Variants in FER1L5 observed in about 807,000 individuals in gnomAD.
FER1L5 encodes fer-1-like protein 5.
A neutral mutation model predicts 279.9 loss-of-function variants in FER1L5; 187 were observed. The ratio of observed to expected loss-of-function variants is 0.67; its 90% confidence interval spans 0.59 to 0.75. The LOEUF is 0.75. Ranked by LOEUF, FER1L5 falls within the 30% of genes least tolerant of loss-of-function variation. The pLI, the probability that FER1L5 is intolerant of heterozygous loss-of-function variation, is 0.00. For missense variants in FER1L5, 2,091 were observed against 2,594.4 expected, an observed-to-expected ratio of 0.81 and a Z score of 4.21; for synonymous variants, 921 against 989.7, an observed-to-expected ratio of 0.93 and a Z score of 1.30.
At chr2:96,696,299 T>G (rs1187802589) in intron 37 of FER1L5, among the ~76,000 whole-genome samples, 1 of 147,316 alleles carries the variant, frequency 6.8e-6, no homozygotes, top group Non-Finnish European at 1.5e-5. Context: ...CTTTTCAATC[T>G]TTTTTTTTTT....
chr2:96,696,513 C>T (rs2077385258), intron 37 of FER1L5, among the ~76,000 whole-genome samples: 1 of 151,860 alleles, frequency 6.6e-6, no homozygotes, highest in Non-Finnish European at 1.5e-5. Flanking sequence ...AGGCTGGTCT[C>T]GAACTCTTGT....
At position 96,651,895 on chromosome 2, in the gene FER1L5, C is replaced by T. The variant is rs866147948; in HGVS notation, c.508C>T (p.Arg170Ter). ...LSSKPQHFQVRVKVFEARQLM... is the reference protein window; with the variant it reads ...LSSKPQHFQV Reference sequence around the variant, plus strand: ...TCCCCATGTGTTCCGCCCTTAGGTTCGAGTGAAGGTGTTTGAAGCCCGACA... The same window carrying T: ...TCCCCATGTGTTCCGCCCTTAGGTTTGAGTGAAGGTGTTTGAAGCCCGACA... Residue 170 changes from arginine to a stop codon, truncating the protein, a stop_gained, in exon 7 of 53, where the codon CGA (arginine) becomes TGA (stop). Coordinates refer to ENST00000624922, the MANE Select transcript of FER1L5 (RefSeq NM_001293083.2). LOFTEE classifies it high-confidence loss of function. The T allele has an allele frequency of 1.0e-5, 16 of 1,551,944 alleles. No homozygotes were observed. The highest frequency in any genetic ancestry group is 2.7e-5 in the African/African-American group (2 of 73,014).
Position 96,669,064 on chromosome 2 carries a change from C to A in FER1L5, c.1289C>A (p.Pro430His). The A allele has an allele frequency of 6.4e-7, 1 of 1,551,716 alleles. No homozygotes were observed. The highest frequency in any genetic ancestry group is 8.7e-7 in the Non-Finnish European group (1 of 1,146,996). The change falls in exon 17 of 53, where the codon CCC becomes CAC. Residue 430 changes from proline to histidine, a missense_variant. Physicochemically the swap from Pro to His is moderately conservative, Grantham distance 77. Transcript: ENST00000624922. ...EIEGVYSGFL[P>H]CFGPSFLTLH... is the part of the protein sequence containing the mutation. ...CCAGGAGTGTACTCCGGCTTCCTGC[C>A]CTGCTTTGGCCCCAGCTTCCTGACT...
At chr2:96,685,307 C>T in intron 20 of FER1L5, 22 bp from the exon 21 acceptor site, 1 of 1,549,170 alleles carries the variant, frequency 6.5e-7, no homozygotes, top group Non-Finnish European at 8.7e-7. Context: ...GGCTCTCTCA[C>T]CATTTCTCTC....
Position 96,647,889 on chromosome 2 carries a change from G to A in FER1L5, c.339+3G>A, listed in dbSNP as rs1195954904. 1.9e-6 allele frequency: 3 copies of A among 1,550,758 alleles called. No individual in the cohort carries two copies. Among genetic ancestry groups the A allele is most frequent in the South Asian group, 1.2e-5 (1 of 84,034 alleles). On this transcript the variant is annotated splice_donor_region_variant and intron_variant, in intron 4 of 52. Transcript: ENST00000624922. ...ACCATTCCATGAAGCCCACAGATGT[G>A]AGTCAGGCCCAGGAAGGCCCAGGCA...
chr2:96,697,454 C>T, intron 37 of FER1L5, 72 bp from the exon 38 acceptor site: 1 of 1,550,294 alleles, frequency 6.5e-7, no homozygotes, highest in South Asian at 1.2e-5. Context: ...GGCCTCAACC[C>T]CCCTCTCCTC....
intron 37 of FER1L5, among the ~76,000 whole-genome samples, chr2:96,697,158 A>G (rs753746236): frequency 6.6e-6 from 1 of 152,176 alleles, no homozygotes; most frequent in Non-Finnish European, 1.5e-5. Flanking sequence ...AGGGTCCCCA[A>G]CTATTGCTCT....
chr2:96,659,430 T>C (rs1355855198), intron 9 of FER1L5, among the ~76,000 whole-genome samples: 37 of 16,564 alleles, frequency 2.2e-3, no homozygotes, highest in Non-Finnish European at 2.7e-3. Flanking sequence ...TCTTTCTTTC[T>C]TTCTTTCTTT....
intron 23 of FER1L5, 113 bp downstream of exon 23, chr2:96,686,463 C>T: frequency 8.1e-7 from 1 of 1,239,430 alleles, no homozygotes; most frequent in South Asian, 1.6e-5. Context: ...CCCTTAACCA[C>T]ATGGAATGGG....
intron 9 of FER1L5, among the ~76,000 whole-genome samples, chr2:96,657,874 G>A (rs1007018121): frequency 6.6e-6 from 1 of 152,144 alleles, no homozygotes; most frequent in Non-Finnish European, 1.5e-5. Context: ...CATTTAGATT[G>A]CTTCCAGTCT....
At position 96,649,669 on chromosome 2, in the gene FER1L5, A is replaced by C; in HGVS notation, c.386A>C (p.Glu129Ala). 1 of 1,551,536 alleles carries C rather than the reference A, an allele frequency of 6.4e-7. No homozygotes were observed. The highest frequency in any genetic ancestry group is 8.7e-7 in the Non-Finnish European group (1 of 1,146,952). Residue 129 changes from glutamate to alanine, a missense_variant, in exon 5 of 53, where the codon GAG becomes GCG. Coordinates refer to ENST00000624922, the MANE Select transcript of FER1L5 (RefSeq NM_001293083.2). ...QVAHMSNQDI[E>A]KTGAEDHLGI... is the part of the protein sequence containing the mutation. The stretch of plus-strand genomic sequence containing the variant: ...GCCCACATGAGCAACCAGGATATTG[A>C]GAAGACAGGTATGTCCTTCCCTGGA...
intron 19 of FER1L5, among the ~76,000 whole-genome samples, chr2:96,679,109 C>T (rs2076617771): frequency 6.6e-6 from 1 of 151,954 alleles, no homozygotes; most frequent in South Asian, 2.1e-4. Context: ...AATCCCAACA[C>T]TTTGGGAGGC....
chr2:96,693,087 G>A (rs955936006), intron 31 of FER1L5, among the ~76,000 whole-genome samples: 1 of 151,656 alleles, frequency 6.6e-6, no homozygotes. Context: ...GAGGCAGGAG[G>A]ATTGCTTGAA....
intron 9 of FER1L5, among the ~76,000 whole-genome samples, chr2:96,656,241 T>C (rs930121880): frequency 1.3e-5 from 2 of 152,242 alleles, no homozygotes; most frequent in East Asian, 1.9e-4. Flanking sequence ...CACATACAAT[T>C]ATCACATCTA....
rs975869022 is a variant in FER1L5, at chr2:96,654,484, C to T, written c.735C>T (p.Ile245=). The T allele has an allele frequency of 1.8e-5, 7 of 398,868 alleles. No homozygotes were observed. The highest frequency in any genetic ancestry group is 1.3e-4 in the South Asian group (1 of 7,860). The allele number at this position is 398,868 out of a possible 1,614,324, so 24.7% of individuals were successfully genotyped here. Residue 245 remains isoleucine (I), a synonymous_variant, in exon 9 of 53, where the codon ATC becomes ATT. Coordinates refer to ENST00000624922, the MANE Select transcript of FER1L5 (RefSeq NM_001293083.2). ...NSSAMRYKAE[I]GRFQTDIGFI... ...CAGCAATGAGATACAAAGCAGAGAT[C>T]GGGAGATTTCAAGTGAGTACTGTAC...
Position 96,700,439 on chromosome 2 carries a change from CTG to C in FER1L5, c.5040_5041del (p.Tyr1681GlnfsTer38). 2 of 1,613,758 alleles carry C rather than the reference CTG, an allele frequency of 1.2e-6. No homozygotes were observed. Among genetic ancestry groups the C allele is most frequent in the Middle Eastern group, 1.6e-4 (1 of 6,062 alleles). Reference sequence around the variant, plus strand: ...ACCTGAGCACGTGGAGACCCGCACACTGTACAGCCACAGCCAGCCAGGCATCG... The same window carrying C: ...ACCTGAGCACGTGGAGACCCGCACACTACAGCCACAGCCAGCCAGGCATCG... ...LVPEHVETRT[L>X]YSHSQPGIDQ... On this transcript the variant is annotated frameshift_variant, in exon 45 of 53. Transcript: ENST00000624922. LOFTEE classifies it high-confidence loss of function.
rs200510681 is a variant in FER1L5, at chr2:96,695,724, G to A, written c.3895-18G>A. On this transcript the variant is annotated intron_variant, in intron 35 of 52. Transcript: ENST00000624922. ...CTTCTGTGGGTCTCACGCTCCCCACGTCTCCTCGGGATTGCAGCTCATGCC... is the reference window on the plus strand; with the variant it reads ...CTTCTGTGGGTCTCACGCTCCCCACATCTCCTCGGGATTGCAGCTCATGCC... 421 of 1,610,532 alleles carry A rather than the reference G, an allele frequency of 2.6e-4. 1 individual carries two copies. Among genetic ancestry groups the A allele is most frequent in the Non-Finnish European group, 3.4e-4 (397 of 1,178,390 alleles).
chr2:96,692,091 T>G lies in FER1L5; in HGVS notation c.3215-13T>G. On this transcript the variant is annotated splice_polypyrimidine_tract_variant and intron_variant, in intron 30 of 52. Coordinates refer to ENST00000624922, the MANE Select transcript of FER1L5 (RefSeq NM_001293083.2). ...CCTGGGGCAGGTGACAGGCATGGCTTCTCTTTCCCCAGAGCCCCACTACTA... is the reference window on the plus strand; with the variant it reads ...CCTGGGGCAGGTGACAGGCATGGCTGCTCTTTCCCCAGAGCCCCACTACTA... 6.4e-7 allele frequency: 1 copy of G among 1,551,358 alleles called. No individual in the cohort carries two copies. The highest frequency in any genetic ancestry group is 8.7e-7 in the Non-Finnish European group (1 of 1,146,892).
chr2:96,659,290 T>TGCCTTCCTTCCTTCCTTCCCTCCTTCC lies in FER1L5; in HGVS notation c.748-1051_748-1050insGCCTTCCTTCCTTCCTTCCCTCCTTCC, dbSNP rs2075732527. Among the ~76,000 whole-genome samples, 5 of 81,032 alleles carry TGCCTTCCTTCCTTCCTTCCCTCCTTCC rather than the reference T, an allele frequency of 6.2e-5. 1 individual carries two copies. The highest frequency in any genetic ancestry group is 2.5e-4 in the African/African-American group (5 of 20,370). The allele number at this position is 81,032 out of a possible 152,430, so 53.2% of individuals were successfully genotyped here. A position where few individuals can be genotyped will look rare whatever the true frequency, so the allele number is the denominator to read the frequency against. On this transcript the variant is annotated intron_variant, in intron 9 of 52. Coordinates refer to ENST00000624922, the MANE Select transcript of FER1L5 (RefSeq NM_001293083.2). The stretch of plus-strand genomic sequence containing the variant: ...TTTGATGAAGTCCAATTTATCAAGC[T>TGCCTTCCTTCCTTCCTTCCCTCCTTCC]TTCCTTCCTTCCTTCCTTCCTTCCT...
Sources: allele counts gnomAD v4.1 joint callset (sites outside exome capture counted in the v4.1 genomes callset), GRCh38; gene constraint gnomAD v4.1.1; transcripts MANE v1.5; gene names NCBI Gene and HGNC (gene_info 2026-07-23, HGNC 2026-07-21).